The following DNAH8 variants were observed in gnomAD, a reference collection of about 807,000 sequenced individuals.
DNAH8 encodes axonemal beta dynein heavy chain 8.
In DNAH8, 382 loss-of-function variants were observed where a neutral mutation model predicts 562.1. The ratio of observed to expected loss-of-function variants is 0.68; its 90% CI spans 0.63 to 0.74. The LOEUF (loss-of-function observed/expected upper bound fraction) is 0.74. Among genes scored for constraint, DNAH8 ranks in the 30% least tolerant of loss-of-function variants. The pLI, the probability that DNAH8 is intolerant of heterozygous loss-of-function variation, is 0.00. For missense variants in DNAH8, 5,203 were observed against 5,620.4 expected (o/e 0.93, Z 2.37); for synonymous variants, 1,881 against 1,919.4 (o/e 0.98, Z 0.52).
intron 82 of DNAH8, among the ~76,000 whole-genome samples, chr6:38,962,300 C>T (rs760870170): frequency 6.6e-6 from 1 of 151,984 alleles, no homozygotes; most frequent in African/African-American, 2.4e-5. Context: ...GATATTAGAG[C>T]TTCTAGAATT....
chr6:38,781,457 A>G, intron 16 of DNAH8, 84 bp downstream of exon 16: 1 of 1,468,114 alleles, frequency 6.8e-7, no homozygotes. Flanking sequence ...ATTTGTGTGC[A>G]TTAAAGTAGC....
chr6:38,997,396 C>T (rs1229078509), intron 88 of DNAH8, among the ~76,000 whole-genome samples: 1 of 152,172 alleles, frequency 6.6e-6, no homozygotes, highest in African/African-American at 2.4e-5. Context: ...AGATGTAACT[C>T]TCCAAGTTCT....
intron 57 of DNAH8, among the ~76,000 whole-genome samples, chr6:38,889,427 G>A (rs1779183582): frequency 6.6e-6 from 1 of 152,176 alleles, no homozygotes; most frequent in South Asian, 2.1e-4. Flanking sequence ...GGGAGGAATT[G>A]TGAACAAGGA....
intron 64 of DNAH8, among the ~76,000 whole-genome samples, chr6:38,908,540 C>T (rs937807930): frequency 6.6e-6 from 1 of 152,054 alleles, no homozygotes; most frequent in Non-Finnish European, 1.5e-5. Flanking sequence ...ATTAATTAGC[C>T]TCATTTCTAC....
intron 32 of DNAH8, among the ~76,000 whole-genome samples, chr6:38,835,026 T>G (rs112398598): frequency 3.9e-5 from 6 of 152,352 alleles, no homozygotes; most frequent in African/African-American, 1.4e-4. Context: ...TCCATCTCTT[T>G]AAGTTTCCCT....
rs773218875 is a variant in DNAH8, at chr6:38,938,061, C to T, written c.11651C>T (p.Ala3884Val). Residue 3884 changes from alanine (A) to valine (V), a missense_variant, in exon 78 of 93, where the codon GCT becomes GTT. By Grantham distance (64) the Ala-to-Val change is moderately conservative. Transcript: ENST00000327475. ...AAEVSEKLHV[A>V]AETEIKINAA... ...GAGGTAAGTGAAAAGTTGCATGTGG[C>T]TGCAGAAACTGAGATCAAGATCAAC... 1 of 1,614,040 alleles carries T rather than the reference C, an allele frequency of 6.2e-7. No homozygotes were observed. Among genetic ancestry groups the T allele is most frequent in the South Asian group, 1.1e-5 (1 of 91,064 alleles).
At chr6:38,948,873 G>A (rs908518016) in intron 80 of DNAH8, among the ~76,000 whole-genome samples, 1 of 152,050 alleles carries the variant, frequency 6.6e-6, no homozygotes, top group South Asian at 2.1e-4. Context: ...CTCAAGGTGG[G>A]GGATCACTAG....
At chr6:38,894,368 A>T (rs951625162) in intron 58 of DNAH8, among the ~76,000 whole-genome samples, 7 of 152,214 alleles carry the variant, frequency 4.6e-5, no homozygotes, top group African/African-American at 7.2e-5. Flanking sequence ...ATAATTAGGG[A>T]TGATTATTCC....
chr6:38,782,371 C>A (rs185224515), intron 16 of DNAH8, among the ~76,000 whole-genome samples: 2 of 152,052 alleles, frequency 1.3e-5, no homozygotes, highest in Non-Finnish European at 2.9e-5. Flanking sequence ...ACCTCCGCAT[C>A]CTGGGTTCAA....
At chr6:38,874,578 C>T (rs1777845396) in intron 52 of DNAH8, among the ~76,000 whole-genome samples, 2 of 151,338 alleles carry the variant, frequency 1.3e-5, no homozygotes, top group Non-Finnish European at 2.9e-5. Context: ...GTATGTTGCC[C>T]AGGCTGGTCT....
intron 44 of DNAH8, among the ~76,000 whole-genome samples, 171 bp downstream of exon 44, chr6:38,862,629 G>C (rs1198681081): frequency 1.3e-5 from 2 of 152,158 alleles, no homozygotes; most frequent in Admixed American, 1.3e-4. Context: ...GATATCAACA[G>C]TTTCATATGG....
rs191386719 is a variant in DNAH8, at chr6:38,752,767, G to A, written c.1407+2178G>A. 2.1e-4 allele frequency among the ~76,000 whole-genome samples: 32 copies of A among 152,264 alleles called. No homozygotes were observed. The East Asian group carries it at 5.4e-3, about 26-fold the overall frequency. Reference sequence around the variant, plus strand: ...GGAAAAATGTCAGTTGAGAGTCTTGGACAAGTGCATTTCTTACTGCCATGA... The same window carrying A: ...GGAAAAATGTCAGTTGAGAGTCTTGAACAAGTGCATTTCTTACTGCCATGA... On this transcript the variant is annotated intron_variant, in intron 9 of 92. Transcript: ENST00000327475.
intron 1 of DNAH8, 150 bp from the exon 2 acceptor site, chr6:38,722,626 C>A (rs1384640377): frequency 3.2e-6 from 2 of 626,002 alleles, no homozygotes; most frequent in Non-Finnish European, 2.6e-6. Context: ...AAAAATATCA[C>A]CTCTCCAGCC....
chr6:39,019,785 G>C (rs1219492021), intron 91 of DNAH8, among the ~76,000 whole-genome samples: 2 of 152,188 alleles, frequency 1.3e-5, no homozygotes, highest in African/African-American at 4.8e-5. Context: ...TGTTGTCAGA[G>C]TGCTTAATGG....
intron 89 of DNAH8, among the ~76,000 whole-genome samples, chr6:39,009,879 G>T (rs755149723): frequency 1.3e-5 from 2 of 152,182 alleles, no homozygotes; most frequent in Non-Finnish European, 2.9e-5. Flanking sequence ...AGTAAGGGGA[G>T]AAAATATTTT....
intron 79 of DNAH8, among the ~76,000 whole-genome samples, chr6:38,944,356 T>A (rs1033866661): frequency 6.6e-6 from 1 of 152,172 alleles, no homozygotes; most frequent in Non-Finnish European, 1.5e-5. Flanking sequence ...ATGAAAAAAG[T>A]ACTTTCGTTC....
intron 91 of DNAH8, among the ~76,000 whole-genome samples, chr6:39,018,650 C>T (rs780674553): frequency 5.3e-5 from 8 of 152,288 alleles, no homozygotes; most frequent in Non-Finnish European, 8.8e-5. Flanking sequence ...GTCATCTGTG[C>T]CAGGATTCTG....
intron 89 of DNAH8, among the ~76,000 whole-genome samples, chr6:39,010,820 CGTATGTATGTATGTATGTAT>C (rs1554163117): frequency 2.3e-4 from 31 of 132,830 alleles, no homozygotes; most frequent in South Asian, 8.0e-4. Flanking sequence ...CACACACACA[CGTATGTATGTATGTATGTAT>C]GTATGTATGT....
intron 48 of DNAH8, among the ~76,000 whole-genome samples, chr6:38,869,713 T>C (rs1381761133): frequency 6.6e-6 from 1 of 152,182 alleles, no homozygotes; most frequent in African/African-American, 2.4e-5. Flanking sequence ...ATCCGTTCTT[T>C]AATTTCATGG....
Sources: gnomAD v4.1 joint callset for allele counts (sites outside exome capture counted in the v4.1 genomes callset) on GRCh38, gnomAD v4.1.1 for gene constraint, MANE v1.5 for transcripts, NCBI Gene and HGNC (gene_info 2026-07-23, HGNC 2026-07-21) for gene names.